The following MAPK10 variants were observed in gnomAD, a reference collection of about 807,000 sequenced individuals.
The protein encoded by MAPK10 is mitogen-activated protein kinase 10, also known as JNK3 alpha protein kinase.
In MAPK10, 25 loss-of-function variants were observed where a neutral mutation model predicts 59.3. That is an observed-to-expected ratio of 0.42 (90% confidence interval 0.31 to 0.59). The LOEUF is 0.59. MAPK10 is among the 20% of genes least tolerant of loss of function. The pLI, the probability that MAPK10 is intolerant of heterozygous loss-of-function variation, is 0.15. For missense variants in MAPK10, 351 were observed against 568.9 expected, an observed-to-expected ratio of 0.62 and a Z score of 3.90; for synonymous variants, 190 against 200.5, an observed-to-expected ratio of 0.95 and a Z score of 0.44.
chr4:86,270,180 T>G (rs1162856854), intron 2 of MAPK10, among the ~76,000 whole-genome samples: 1 of 152,096 alleles, frequency 6.6e-6, no homozygotes, highest in South Asian at 2.1e-4. Context: ...TTCTATTATG[T>G]TGTAATTCAA....
intron 1 of MAPK10, among the ~76,000 whole-genome samples, chr4:86,448,517 T>C (rs1750322715): frequency 6.6e-6 from 1 of 152,148 alleles, no homozygotes; most frequent in African/African-American, 2.4e-5. Flanking sequence ...ATTCTTTGTG[T>C]TCTTTAGTAA....
intron 1 of MAPK10, among the ~76,000 whole-genome samples, chr4:86,451,106 AC>A (rs1031538264): frequency 2.6e-5 from 4 of 152,142 alleles, no homozygotes; most frequent in African/African-American, 9.7e-5. Context: ...AACTTCCCCC[AC>A]TGAGGATCTC....
intron 3 of MAPK10, among the ~76,000 whole-genome samples, chr4:86,170,445 G>A (rs1000335857): frequency 6.6e-6 from 1 of 151,426 alleles, no homozygotes; most frequent in African/African-American, 2.4e-5. Context: ...TGTTGGATTT[G>A]TTAAACCAAC....
chr4:86,280,053 C>G (rs887705388), intron 2 of MAPK10, among the ~76,000 whole-genome samples: 1 of 152,114 alleles, frequency 6.6e-6, no homozygotes, highest in Non-Finnish European at 1.5e-5. Context: ...TCAGCCTTAG[C>G]AAACAATTTG....
intron 4 of MAPK10, among the ~76,000 whole-genome samples, chr4:86,141,314 C>A (rs1004549700): frequency 2.6e-5 from 4 of 152,158 alleles, no homozygotes; most frequent in African/African-American, 9.7e-5. Context: ...GAACAAGGCA[C>A]AAAGAGCTAC....
intron 2 of MAPK10, among the ~76,000 whole-genome samples, chr4:86,230,214 A>G (rs1331077457): frequency 6.6e-6 from 1 of 152,234 alleles, no homozygotes; most frequent in Non-Finnish European, 1.5e-5. Context: ...TGATTGATTA[A>G]AAAAATATTT....
intron 2 of MAPK10, among the ~76,000 whole-genome samples, chr4:86,228,557 C>G (rs1486542476): frequency 6.6e-6 from 1 of 152,234 alleles, no homozygotes; most frequent in Non-Finnish European, 1.5e-5. Flanking sequence ...TGCCAGATCA[C>G]TCTTGCTAGA....
intron 11 of MAPK10, among the ~76,000 whole-genome samples, chr4:86,057,861 C>G (rs2044927468): frequency 6.7e-6 from 1 of 149,736 alleles, no homozygotes; most frequent in South Asian, 2.1e-4. Flanking sequence ...TGAAAGAGGT[C>G]TTTCCTATGG....
intron 9 of MAPK10, among the ~76,000 whole-genome samples, chr4:86,069,981 T>C (rs1034267119): frequency 1.3e-5 from 2 of 152,162 alleles, no homozygotes; most frequent in African/African-American, 4.8e-5. Context: ...TAAATAAGAA[T>C]TGTTAAAATG....
chr4:86,436,481 G>T (rs1564864682), intron 1 of MAPK10, among the ~76,000 whole-genome samples: 1 of 152,038 alleles, frequency 6.6e-6, no homozygotes, highest in South Asian at 2.1e-4. Flanking sequence ...GCAATCGATG[G>T]TCATTTAGTA....
At chr4:86,319,314 A>C (rs2148888259) in intron 2 of MAPK10, among the ~76,000 whole-genome samples, 1 of 152,294 alleles carries the variant, frequency 6.6e-6, no homozygotes, top group South Asian at 2.1e-4. Context: ...AATTATAGAG[A>C]GAAACTGCTG....
intron 1 of MAPK10, among the ~76,000 whole-genome samples, chr4:86,474,287 C>T (rs374287113): frequency 6.6e-6 from 1 of 152,082 alleles, no homozygotes. Context: ...TTATTGGGAG[C>T]AATCTCCAGA....
intron 1 of MAPK10, among the ~76,000 whole-genome samples, chr4:86,549,070 G>A (rs933625511): frequency 2.0e-5 from 3 of 151,738 alleles, no homozygotes; most frequent in South Asian, 2.1e-4. Context: ...ATTTTAAAAA[G>A]CCAGTAAAAA....
At chr4:86,504,334 A>G (rs1009626087) in intron 1 of MAPK10, among the ~76,000 whole-genome samples, 1 of 152,084 alleles carries the variant, frequency 6.6e-6, no homozygotes, top group African/African-American at 2.4e-5. Flanking sequence ...GTGAAATCCA[A>G]CCTGTGGGCC....
At chr4:86,431,057 G>A (rs924747302) in intron 1 of MAPK10, among the ~76,000 whole-genome samples, 1 of 150,560 alleles carries the variant, frequency 6.6e-6, no homozygotes, top group African/African-American at 2.4e-5. Context: ...AAGAAGGAAA[G>A]GAGCAAGAAA....
chr4:86,072,300 G>A (rs200289903), intron 9 of MAPK10, among the ~76,000 whole-genome samples: 45 of 152,156 alleles, frequency 3.0e-4, no homozygotes, highest in South Asian at 4.2e-4. Flanking sequence ...GGGCTGAGAC[G>A]ATGGGGTTTT....
intron 2 of MAPK10, among the ~76,000 whole-genome samples, chr4:86,277,575 A>G (rs919658399): frequency 2.0e-5 from 3 of 152,148 alleles, no homozygotes; most frequent in Non-Finnish European, 2.9e-5. Flanking sequence ...ATAAAAACTA[A>G]TGCTTATGTG....
chr4:86,018,355 CAA>C (rs34741254), intron 13 of MAPK10, among the ~76,000 whole-genome samples: 22 of 140,958 alleles, frequency 1.6e-4, no homozygotes, highest in South Asian at 4.6e-4. Flanking sequence ...ATGAAAGTTA[CAA>C]AAAAAAAAAA....
chr4:86,221,065 C>A (rs1189930378), intron 2 of MAPK10, among the ~76,000 whole-genome samples: 1 of 152,228 alleles, frequency 6.6e-6, no homozygotes, highest in Non-Finnish European at 1.5e-5. Context: ...AGCCCACAGT[C>A]TCCCGAATAG....
Sources: allele counts gnomAD v4.1 joint callset (sites outside exome capture counted in the v4.1 genomes callset), GRCh38; gene constraint gnomAD v4.1.1; transcripts MANE v1.5; gene names NCBI Gene and HGNC (gene_info 2026-07-23, HGNC 2026-07-21).